The following MYT1L variants were observed in gnomAD, a reference collection of about 807,000 sequenced individuals.
MYT1L encodes the protein myelin transcription factor 1-like protein.
In MYT1L, 12 loss-of-function variants were observed where a neutral mutation model predicts 126.7. The ratio of observed to expected loss-of-function variants is 0.09; its 90% CI spans 0.06 to 0.15. MYT1L has a LOEUF of 0.15. Ranked by LOEUF, MYT1L falls within the 10% of genes least tolerant of loss-of-function variation. MYT1L has a pLI of 1.00. For missense variants in MYT1L, 979 were observed against 1,585.2 expected, an observed-to-expected ratio of 0.62 and a Z score of 6.49; for synonymous variants, 541 against 604.2, an observed-to-expected ratio of 0.90 and a Z score of 1.53.
chr2:1,970,594 G>T (rs973232158), intron 8 of MYT1L, among the ~76,000 whole-genome samples: 1 of 152,224 alleles, frequency 6.6e-6, no homozygotes, highest in African/African-American at 2.4e-5. Flanking sequence ...GCTGGCTCAG[G>T]GTTCCCGGGG....
At chr2:2,185,676 A>C (rs1252160838) in intron 2 of MYT1L, among the ~76,000 whole-genome samples, 1 of 133,272 alleles carries the variant, frequency 7.5e-6, no homozygotes, top group Non-Finnish European at 1.6e-5. Flanking sequence ...TCCTTACGTG[A>C]GGGGGACGCA....
intron 5 of MYT1L, among the ~76,000 whole-genome samples, chr2:1,996,830 C>T (rs1331685287): frequency 1.6e-4 from 22 of 139,578 alleles, no homozygotes; most frequent in African/African-American, 8.2e-5. Context: ...TGCACAGAAC[C>T]GAGTGTAGAC....
intron 9 of MYT1L, among the ~76,000 whole-genome samples, chr2:1,932,951 T>A (rs1052837096): frequency 6.6e-6 from 1 of 151,978 alleles, no homozygotes; most frequent in African/African-American, 2.4e-5. Flanking sequence ...ACATGCACAG[T>A]CTAAAGGAGA....
chr2:2,084,592 C>T (rs965089655), intron 3 of MYT1L, among the ~76,000 whole-genome samples: 2 of 152,142 alleles, frequency 1.3e-5, no homozygotes, highest in Non-Finnish European at 2.9e-5. Flanking sequence ...TGGCAACAGT[C>T]GCTGCAGAAA....
chr2:2,224,843 T>C lies in MYT1L; in HGVS notation c.-420-51855A>G, dbSNP rs1409644634. On this transcript the variant is annotated intron_variant, in intron 2 of 24. Coordinates refer to ENST00000647738, the MANE Select transcript of MYT1L (RefSeq NM_001303052.2). This position sits in a 1 kb window ranked among gnomAD's most constrained non-coding sequence, Gnocchi z 4.0. ...CAAAAGAAAAAAAAAAAAAGGAAAATAAATGTTTCAAATCCTTGAGAAAGG... is the reference window on the plus strand; with the variant it reads ...CAAAAGAAAAAAAAAAAAAGGAAAACAAATGTTTCAAATCCTTGAGAAAGG... Among the ~76,000 whole-genome samples, 2 of 150,112 alleles carry C rather than the reference T, an allele frequency of 1.3e-5. No homozygotes were observed. The highest frequency in any genetic ancestry group is 3.0e-5 in the Non-Finnish European group (2 of 67,486).
chr2:1,799,802 G>A (rs1185808831), intron 23 of MYT1L, among the ~76,000 whole-genome samples: 2 of 152,190 alleles, frequency 1.3e-5, no homozygotes, highest in Admixed American at 6.5e-5. Context: ...TGAAGGGCAG[G>A]ACCAGGTGGA....
intron 3 of MYT1L, among the ~76,000 whole-genome samples, chr2:2,125,369 C>T (rs546026495): frequency 3.9e-5 from 6 of 152,166 alleles, no homozygotes; most frequent in Admixed American, 1.3e-4. Flanking sequence ...CAATGCTACA[C>T]ATCAATGAAT....
At chr2:2,110,044 G>C (rs907938854) in intron 3 of MYT1L, among the ~76,000 whole-genome samples, 7 of 151,518 alleles carry the variant, frequency 4.6e-5, no homozygotes, top group Non-Finnish European at 7.4e-5. Flanking sequence ...AGTGACGCAG[G>C]GAGTACTGTG....
At chr2:2,283,850 G>A (rs948293258) in intron 2 of MYT1L, among the ~76,000 whole-genome samples, 8 of 152,160 alleles carry the variant, frequency 5.3e-5, no homozygotes, top group Non-Finnish European at 8.8e-5. Flanking sequence ...TCTGAAGTCC[G>A]TGCACCTCTG....
chr2:1,979,099 C>A lies in MYT1L; in HGVS notation c.152+66G>T. On this transcript the variant is annotated intron_variant, in intron 8 of 24. Transcript: ENST00000647738. This position sits in a 1 kb window ranked among gnomAD's most constrained non-coding sequence, Gnocchi z 4.0. ...AACACCTGCTCACACAGTTCATCAT[C>A]AGGACTGGGTCCCCAAATAAGTCAC... 1 of 1,327,364 alleles carries A rather than the reference C, an allele frequency of 7.5e-7. No homozygotes were observed. The highest frequency in any genetic ancestry group is 1.9e-5 in the Admixed American group (1 of 52,462). The allele number at this position is 1,327,364 out of a possible 1,614,324, so 82.2% of individuals were successfully genotyped here.
At chr2:1,860,680 C>G (rs186142604) in intron 18 of MYT1L, among the ~76,000 whole-genome samples, 1 of 152,192 alleles carries the variant, frequency 6.6e-6, no homozygotes, top group African/African-American at 2.4e-5. Context: ...GCATCTCTAC[C>G]TTACTCTCAA....
intron 19 of MYT1L, among the ~76,000 whole-genome samples, chr2:1,850,039 G>C (rs573265812): frequency 6.6e-6 from 1 of 150,536 alleles, no homozygotes; most frequent in African/African-American, 2.5e-5. Flanking sequence ...GGTGAGGGGG[G>C]GGCCATTATC....
intron 3 of MYT1L, among the ~76,000 whole-genome samples, chr2:2,117,515 G>T (rs1197547372): frequency 6.6e-6 from 1 of 152,074 alleles, no homozygotes; most frequent in Admixed American, 6.5e-5. Context: ...AGGAAGCCTG[G>T]ATACAAAAAG....
chr2:2,163,879 C>T (rs2088514226), intron 3 of MYT1L, among the ~76,000 whole-genome samples: 1 of 152,110 alleles, frequency 6.6e-6, no homozygotes, highest in Non-Finnish European at 1.5e-5. Flanking sequence ...GGAAATGGGA[C>T]CAGGTGTAAA....
At chr2:1,892,619 G>C (rs1318808895) in intron 14 of MYT1L, among the ~76,000 whole-genome samples, 2 of 151,686 alleles carry the variant, frequency 1.3e-5, no homozygotes, top group African/African-American at 4.8e-5. Flanking sequence ...CACACGGCTG[G>C]CTAGCTTTTA....
intron 4 of MYT1L, among the ~76,000 whole-genome samples, chr2:2,011,921 C>T (rs1030618364): frequency 6.6e-6 from 1 of 152,188 alleles, no homozygotes. Context: ...CCTCATTGCA[C>T]TTGAGGATGG....
At chr2:2,110,566 CCCT>C (rs2079301761) in intron 3 of MYT1L, among the ~76,000 whole-genome samples, 1 of 145,924 alleles carries the variant, frequency 6.9e-6, no homozygotes, top group Non-Finnish European at 1.5e-5. Context: ...CTCCCTCCCT[CCCT>C]CCCTCTCTCC....
intron 14 of MYT1L, among the ~76,000 whole-genome samples, chr2:1,900,331 G>A (rs36035596): frequency 0.027 from 4,154 of 151,118 alleles, 82 homozygotes; most frequent in Non-Finnish European, 0.043. Flanking sequence ...ATGGAGTCTC[G>A]CTCTGTTGCC....
chr2:2,208,873 G>C (rs12105894), intron 2 of MYT1L, among the ~76,000 whole-genome samples: 19,173 of 152,076 alleles, frequency 0.13, 1,278 homozygotes, highest in South Asian at 0.19. Context: ...ACTATAACTA[G>C]ATCATGATAC....
Sources: allele counts gnomAD v4.1 joint callset (sites outside exome capture counted in the v4.1 genomes callset), GRCh38; gene constraint gnomAD v4.1.1; non-coding constraint Gnocchi (gnomAD v3.1); transcripts MANE v1.5; gene names NCBI Gene and HGNC (gene_info 2026-07-23, HGNC 2026-07-21).